GALNTL6: variants seen among roughly 807,000 people sequenced by gnomAD.
GALNTL6 encodes the protein polypeptide N-acetylgalactosaminyltransferase-like 6.
Under a neutral mutation model 73.7 loss-of-function variants are expected in GALNTL6, and 46 were observed. The ratio of observed to expected loss-of-function variants is 0.62; its 90% CI spans 0.49 to 0.80. GALNTL6 has a LOEUF of 0.80. GALNTL6 is among the 30% of genes least tolerant of loss of function. The pLI is 0.00. For missense variants in GALNTL6, 604 were observed against 755.0 expected, an observed-to-expected ratio of 0.80 and a Z score of 2.34; for synonymous variants, 259 against 263.7, an observed-to-expected ratio of 0.98 and a Z score of 0.17.
chr4:172,452,132 T>C (rs1732236457), intron 5 of GALNTL6, among the ~76,000 whole-genome samples: 1 of 152,192 alleles, frequency 6.6e-6, no homozygotes, highest in Non-Finnish European at 1.5e-5. Context: ...AAATGAGTGA[T>C]TTCCTGATAT....
chr4:171,894,841 CT>C (rs147090405), intron 2 of GALNTL6, among the ~76,000 whole-genome samples: 2,217 of 148,946 alleles, frequency 0.015, 57 homozygotes, highest in African/African-American at 0.051. Flanking sequence ...CAAAGACTGA[CT>C]TTTTTTTTTC....
At chr4:172,675,574 G>T (rs1475519048) in intron 5 of GALNTL6, among the ~76,000 whole-genome samples, 1 of 152,190 alleles carries the variant, frequency 6.6e-6, no homozygotes, top group Non-Finnish European at 1.5e-5. Context: ...AAGAATGATT[G>T]CCCTGGAGGA....
chr4:171,838,072 T>A lies in GALNTL6; in HGVS notation c.138+23354T>A, dbSNP rs191930032. 2.2e-4 allele frequency among the ~76,000 whole-genome samples: 33 copies of A among 151,866 alleles called. 1 individual carries two copies. The highest frequency in any genetic ancestry group is 2.9e-5 in the Non-Finnish European group (2 of 67,968). ...TTTGTTTGTTTCTTTATTTGCTTTA[T>A]TGTGGGTTTAAAAGTTTAAAATTCA... is the stretch of plus-strand genomic sequence containing the variant. On this transcript the variant is annotated intron_variant, in intron 2 of 12. Transcript: ENST00000506823.
At chr4:171,969,781 T>TC (rs1174021866) in intron 2 of GALNTL6, among the ~76,000 whole-genome samples, 1 of 151,676 alleles carries the variant, frequency 6.6e-6, no homozygotes, top group Admixed American at 6.6e-5. Flanking sequence ...TTTTTTTTTT[T>TC]TTCCTTGAGA....
intron 10 of GALNTL6, among the ~76,000 whole-genome samples, chr4:172,956,984 T>C (rs150450813): frequency 6.6e-6 from 1 of 152,328 alleles, no homozygotes; most frequent in Non-Finnish European, 1.5e-5. Flanking sequence ...GAATTACGTC[T>C]GACAGAAGAG....
intron 2 of GALNTL6, among the ~76,000 whole-genome samples, chr4:172,047,734 A>C (rs1442844723): frequency 6.6e-6 from 1 of 152,122 alleles, no homozygotes; most frequent in East Asian, 1.9e-4. Flanking sequence ...CTATTTAAGG[A>C]AACATTATAC....
intron 5 of GALNTL6, among the ~76,000 whole-genome samples, chr4:172,703,182 G>A (rs557191132): frequency 5.6e-4 from 85 of 151,816 alleles, no homozygotes; most frequent in Middle Eastern, 3.4e-3. Flanking sequence ...TAGATGTTCC[G>A]TATTTCTTTC....
chr4:172,579,495 TTGG>T (rs2110969168), intron 5 of GALNTL6, among the ~76,000 whole-genome samples: 1 of 152,270 alleles, frequency 6.6e-6, no homozygotes, highest in East Asian at 1.9e-4. Context: ...TTTACCAATT[TTGG>T]TGGTCTCGGC....
intron 2 of GALNTL6, among the ~76,000 whole-genome samples, chr4:171,939,412 A>G (rs906713856): frequency 2.0e-5 from 3 of 151,998 alleles, no homozygotes; most frequent in African/African-American, 7.2e-5. Flanking sequence ...TCCTTGCTGT[A>G]TATACTAGCA....
intron 2 of GALNTL6, among the ~76,000 whole-genome samples, chr4:171,941,509 G>A (rs943699851): frequency 6.6e-5 from 10 of 152,170 alleles, no homozygotes; most frequent in Admixed American, 1.3e-4. Flanking sequence ...TATGGGACAC[G>A]TTAAAGCCAA....
chr4:171,907,573 G>A (rs1313943053), intron 2 of GALNTL6, among the ~76,000 whole-genome samples: 4 of 151,946 alleles, frequency 2.6e-5, no homozygotes, highest in Admixed American at 6.6e-5. Context: ...TACTGTCCAA[G>A]GTAATTTACA....
At chr4:172,897,573 G>A (rs1202861777) in intron 8 of GALNTL6, among the ~76,000 whole-genome samples, 1 of 152,292 alleles carries the variant, frequency 6.6e-6, no homozygotes, top group East Asian at 1.9e-4. Flanking sequence ...GAAAAATGGG[G>A]CTATAACCAA....
intron 2 of GALNTL6, among the ~76,000 whole-genome samples, chr4:172,218,025 G>A (rs891712319): frequency 1.3e-5 from 2 of 151,950 alleles, no homozygotes; most frequent in African/African-American, 4.8e-5. Flanking sequence ...CTAACCCACC[G>A]TTTTTATACT....
At chr4:172,156,571 A>ATAGTATATAT (rs751638637) in intron 2 of GALNTL6, among the ~76,000 whole-genome samples, 1 of 70,960 alleles carries the variant, frequency 1.4e-5, no homozygotes, top group African/African-American at 6.3e-5. Flanking sequence ...ATATATACAT[A>ATAGTATATAT]CTATATATAT....
At chr4:172,617,280 G>C (rs1265640903) in intron 5 of GALNTL6, among the ~76,000 whole-genome samples, 3 of 151,244 alleles carry the variant, frequency 2.0e-5, no homozygotes, top group African/African-American at 7.3e-5. Context: ...AGCATCTCAG[G>C]AATGAGATAA....
intron 5 of GALNTL6, among the ~76,000 whole-genome samples, chr4:172,535,999 G>A (rs1349285950): frequency 1.3e-5 from 2 of 152,190 alleles, no homozygotes; most frequent in Non-Finnish European, 2.9e-5. Context: ...AAATCATGGT[G>A]GTGGTTACCT....
At chr4:171,910,323 G>A (rs1025871205) in intron 2 of GALNTL6, among the ~76,000 whole-genome samples, 1 of 151,906 alleles carries the variant, frequency 6.6e-6, no homozygotes, top group African/African-American at 2.4e-5. Context: ...TACCACAGGG[G>A]AGAAACATGT....
intron 2 of GALNTL6, among the ~76,000 whole-genome samples, chr4:171,948,812 A>G (rs2111026896): frequency 6.6e-6 from 1 of 152,280 alleles, no homozygotes; most frequent in African/African-American, 2.4e-5. Flanking sequence ...ACATTTCCTG[A>G]AAAATAGGCA....
rs374620811 is a variant in GALNTL6, at chr4:172,950,382, TAGAA to T, written c.1150-1648_1150-1645del. Among the ~76,000 whole-genome samples the T allele has an allele frequency of 7.1e-3, 1,075 of 152,308 alleles. 8 individuals are homozygous for T. The highest frequency in any genetic ancestry group is 0.025 in the African/African-American group (1,027 of 41,554). On this transcript the variant is annotated intron_variant, in intron 9 of 12. Transcript: ENST00000506823. Reference sequence around the variant, plus strand: ...TTCCTATCTATGCACCCAGGCACCTTAGAAAGAAAGGAACACAGAGGGAACTGAG... The same window carrying T: ...TTCCTATCTATGCACCCAGGCACCTTAGAAAGGAACACAGAGGGAACTGAG...
Sources: allele counts gnomAD v4.1 joint callset (sites outside exome capture counted in the v4.1 genomes callset), GRCh38; gene constraint gnomAD v4.1.1; transcripts MANE v1.5; gene names NCBI Gene and HGNC (gene_info 2026-07-23, HGNC 2026-07-21).